Variants in CCDC134 observed in about 807,000 individuals in gnomAD.
CCDC134 encodes coiled-coil domain containing 134, also known as coiled-coil domain-containing protein 134.
A neutral mutation model predicts 25.6 loss-of-function variants in CCDC134; 27 were observed. The observed-to-expected ratio is 1.05, with a 90% CI of 0.78 to 1.45. CCDC134 has a LOEUF of 1.45. Ranked by LOEUF, CCDC134 falls within the 40% of genes most tolerant of loss-of-function variation. CCDC134 has a pLI of 0.00. For missense variants in CCDC134, 261 were observed against 286.7 expected (o/e 0.91, Z 0.65); for synonymous variants, 110 against 115.0 (o/e 0.96, Z 0.28).
intron 1 of CCDC134, among the ~76,000 whole-genome samples, chr22:41,802,037 C>G (rs2076546128): frequency 6.6e-6 from 1 of 152,180 alleles, no homozygotes; most frequent in South Asian, 2.1e-4. Flanking sequence ...AAAGATTTTT[C>G]TGTGTAAGTT....
intron 1 of CCDC134, among the ~76,000 whole-genome samples, chr22:41,802,533 G>A (rs5996067): frequency 0.39 from 58,879 of 151,938 alleles, 11,858 homozygotes; most frequent in African/African-American, 0.49. Flanking sequence ...CTGGGCAACC[G>A]CCAAGGCGGG....
intron 6 of CCDC134, among the ~76,000 whole-genome samples, chr22:41,824,017 A>C (rs1443038532): frequency 6.6e-6 from 1 of 152,196 alleles, no homozygotes; most frequent in African/African-American, 2.4e-5. Flanking sequence ...TCATTGAAAA[A>C]ACACATATTG....
rs1365257905 is a variant in CCDC134 at position 41,808,973 on chromosome 22, T to C, written c.83T>C (p.Leu28Pro). Residue 28 changes from leucine (L) to proline (P), a missense_variant, in exon 2 of 7, where the codon CTG becomes CCG. Coordinates refer to ENST00000255784, the MANE Select transcript of CCDC134 (RefSeq NM_024821.5). Reference protein sequence around the residue: ...MGATGTLRTSLDPSLEIYKKM... With the variant: ...MGATGTLRTSPDPSLEIYKKM... ...GCCACAGGCACCTTGAGGACCTCCC[T>C]GGACCCAAGCCTGGAGATCTGTATC... 2 of 1,613,900 alleles carry C rather than the reference T, an allele frequency of 1.2e-6. No individual in the cohort carries two copies. The highest frequency in any genetic ancestry group is 1.7e-6 in the Non-Finnish European group (2 of 1,179,890).
chr22:41,820,243 A>G (rs983459178), intron 6 of CCDC134, among the ~76,000 whole-genome samples: 8 of 151,344 alleles, frequency 5.3e-5, no homozygotes, highest in Non-Finnish European at 7.4e-5. Context: ...TGATCCGCCC[A>G]CCTCGGCCTC....
chr22:41,830,768 A>G lies in CCDC134; in HGVS notation c.*4945A>G, dbSNP rs1353693934. On this transcript the variant is annotated 3_prime_UTR_variant, in exon 7 of 7. Transcript: ENST00000255784. ...AGAAAGTAAAATTCACTCCAAAAGT[A>G]AAATTCACCCCAAATCTCACTACTC... 2.0e-5 allele frequency among the ~76,000 whole-genome samples: 3 copies of G among 152,244 alleles called. No homozygotes were observed. Among genetic ancestry groups the G allele is most frequent in the African/African-American group, 7.2e-5 (3 of 41,456 alleles).
chr22:41,812,422 CAAAAAAAAA>C (rs36098937), intron 4 of CCDC134, among the ~76,000 whole-genome samples: 2 of 77,208 alleles, frequency 2.6e-5, no homozygotes, highest in African/African-American at 9.4e-5. Context: ...ACTCCGTCTC[CAAAAAAAAA>C]AAAAAAAAAA....
intron 1 of CCDC134, among the ~76,000 whole-genome samples, chr22:41,803,627 G>T (rs181103914): frequency 1.6e-3 from 237 of 152,010 alleles, no homozygotes; most frequent in African/African-American, 5.3e-3. Context: ...AATTAGCCAG[G>T]CATGGTGATG....
rs142212229 is a variant in CCDC134, at chr22:41,813,768, G to A, written c.510G>A (p.Gly170=). 6.8e-6 allele frequency: 11 copies of A among 1,614,018 alleles called. No homozygotes were observed. The highest frequency in any genetic ancestry group is 4.0e-5 in the African/African-American group (3 of 74,936). Residue 170 remains glycine (G), a synonymous_variant, in exon 6 of 7, where the codon GGG becomes GGA. Coordinates refer to ENST00000255784, the MANE Select transcript of CCDC134 (RefSeq NM_024821.5). The part of the protein sequence containing the change: ...PILSLMAQEL[G]ISEKDSNFQN... ...ATCTGCAGATGGCCCAGGAGCTGGG[G>A]ATCAGTGAGAAAGACTCCAACTTCC... is the stretch of plus-strand genomic sequence containing the variant.
At position 41,813,304 on chromosome 22, in the gene CCDC134, T is replaced by C. The variant is rs888688097; in HGVS notation, c.351T>C (p.Asp117=). ...HVVENTAFFG[D]VVLRFPRIVH... is the part of the protein sequence containing the mutation. ...TGGAGAACACGGCCTTCTTCGGCGA[T>C]GTGGTGCTGCGCTTCCCGAGGATTG... is the stretch of plus-strand genomic sequence containing the variant. Residue 117 remains aspartate (D), a synonymous_variant, in exon 5 of 7, where the codon GAT becomes GAC. Coordinates refer to ENST00000255784, the MANE Select transcript of CCDC134 (RefSeq NM_024821.5). 3 of 1,614,200 alleles carry C rather than the reference T, an allele frequency of 1.9e-6. No homozygotes were observed. The highest frequency in any genetic ancestry group is 2.2e-5 in the East Asian group (1 of 44,876).
chr22:41,811,711 G>C (rs2076597306), intron 4 of CCDC134, among the ~76,000 whole-genome samples: 1 of 152,180 alleles, frequency 6.6e-6, no homozygotes, highest in Non-Finnish European at 1.5e-5. Flanking sequence ...GATTACAGGG[G>C]TGAGTTACCA....
chr22:41,813,747 G>A lies in CCDC134; in HGVS notation c.493-4G>A. Reference sequence around the variant, plus strand: ...GATGATGACTAGTGTTTCTTCATCTGCAGATGGCCCAGGAGCTGGGGATCA... The same window carrying A: ...GATGATGACTAGTGTTTCTTCATCTACAGATGGCCCAGGAGCTGGGGATCA... On this transcript the variant is annotated splice_region_variant and splice_polypyrimidine_tract_variant and intron_variant, in intron 5 of 6. Coordinates refer to ENST00000255784, the MANE Select transcript of CCDC134 (RefSeq NM_024821.5). 2.5e-6 allele frequency: 4 copies of A among 1,613,922 alleles called. No individual in the cohort carries two copies. Among genetic ancestry groups the A allele is most frequent in the Non-Finnish European group, 3.4e-6 (4 of 1,179,756 alleles).
chr22:41,820,247 C>G (rs966136040), intron 6 of CCDC134, among the ~76,000 whole-genome samples: 1 of 151,844 alleles, frequency 6.6e-6, no homozygotes, highest in South Asian at 2.1e-4. Context: ...CCGCCCACCT[C>G]GGCCTCCCAA....
intron 2 of CCDC134, among the ~76,000 whole-genome samples, chr22:41,809,336 C>A (rs2076583065): frequency 6.6e-6 from 1 of 152,108 alleles, no homozygotes; most frequent in African/African-American, 2.4e-5. Flanking sequence ...GGCCAGGCCT[C>A]AAGGACACGA....
intron 1 of CCDC134, among the ~76,000 whole-genome samples, chr22:41,808,213 A>G (rs368954615): frequency 2.2e-4 from 34 of 152,174 alleles, no homozygotes; most frequent in African/African-American, 7.9e-4. Context: ...TGTTGCCTGA[A>G]TATGAACAGG....
At chr22:41,803,693 G>A (rs563221841) in intron 1 of CCDC134, among the ~76,000 whole-genome samples, 3 of 151,990 alleles carry the variant, frequency 2.0e-5, no homozygotes, top group East Asian at 1.9e-4. Flanking sequence ...ACTTGAACCC[G>A]GGAGGCAGAG....
At chr22:41,823,963 C>G (rs1019499708) in intron 6 of CCDC134, among the ~76,000 whole-genome samples, 2 of 152,178 alleles carry the variant, frequency 1.3e-5, no homozygotes, top group African/African-American at 2.4e-5. Flanking sequence ...TATTCGAGGA[C>G]CTGCTGTGCT....
intron 6 of CCDC134, among the ~76,000 whole-genome samples, chr22:41,819,252 C>G (rs559460810): frequency 1.3e-5 from 2 of 152,352 alleles, no homozygotes; most frequent in East Asian, 3.9e-4. Context: ...GCCACTGTCC[C>G]TGTCCAGGGG....
rs2076671450 is a variant in CCDC134 at position 41,825,346 on chromosome 22, G to A, written c.565-352G>A. ...CTGACCTCCCTCCTCTCCTCCTGAA[G>A]GGTGCAGCAGGTGTGGGGCTCCCGG... is the stretch of plus-strand genomic sequence containing the variant. On this transcript the variant is annotated intron_variant, in intron 6 of 6. Coordinates refer to ENST00000255784, the MANE Select transcript of CCDC134 (RefSeq NM_024821.5). The surrounding 1 kb of genome is among the most constrained non-coding windows in gnomAD (Gnocchi z 4.4). Among the ~76,000 whole-genome samples, 2 of 151,910 alleles carry A rather than the reference G, an allele frequency of 1.3e-5. No homozygotes were observed. Among genetic ancestry groups the A allele is most frequent in the South Asian group, 4.2e-4 (2 of 4,784 alleles).
rs952157409 is a variant in CCDC134, at chr22:41,804,192, G to C, written c.-17+3426G>C. ...TATGGAATCTTGTTCCAGTGTCTTC[G>C]GAAAAGCTATCTACAGTATGAAACC... On this transcript the variant is annotated intron_variant, in intron 1 of 6. Coordinates refer to ENST00000255784, the MANE Select transcript of CCDC134 (RefSeq NM_024821.5). Among the ~76,000 whole-genome samples, 7 of 152,242 alleles carry C rather than the reference G, an allele frequency of 4.6e-5. No individual in the cohort carries two copies. In the East Asian group the frequency reaches 1.2e-3, roughly 25 times the overall value.
Sources: allele counts gnomAD v4.1 joint callset (sites outside exome capture counted in the v4.1 genomes callset), GRCh38; gene constraint gnomAD v4.1.1; non-coding constraint Gnocchi (gnomAD v3.1); transcripts MANE v1.5; gene names NCBI Gene and HGNC (gene_info 2026-07-23, HGNC 2026-07-21).